The following NAV2 variants were observed in gnomAD, a reference collection of about 807,000 sequenced individuals.
NAV2 encodes the protein neuron navigator 2.
NAV2 carries 54 observed loss-of-function variants against 223.2 expected under a neutral mutation model. The observed-to-expected ratio is 0.24, with a 90% confidence interval of 0.19 to 0.30. The LOEUF (loss-of-function observed/expected upper bound fraction) is 0.30. Among genes scored for constraint, NAV2 ranks in the 10% least tolerant of loss-of-function variants. The pLI, the probability that NAV2 is intolerant of heterozygous loss-of-function variation, is 1.00. For missense variants in NAV2, 2,806 were observed against 3,147.5 expected, an observed-to-expected ratio of 0.89 and a Z score of 2.60; for synonymous variants, 1,279 against 1,239.3, an observed-to-expected ratio of 1.03 and a Z score of -0.67.
At chr11:19,945,053 TTTCTC>T (rs1326880521) in intron 8 of NAV2, among the ~76,000 whole-genome samples, 3 of 149,900 alleles carry the variant, frequency 2.0e-5, no homozygotes, top group East Asian at 2.0e-4. Context: ...TTCCTTTCCT[TTTCTC>T]TTTCCTTTCC....
At chr11:19,534,028 G>A (rs1226626754) in intron 1 of NAV2, among the ~76,000 whole-genome samples, 3 of 152,162 alleles carry the variant, frequency 2.0e-5, no homozygotes, top group African/African-American at 7.2e-5. Context: ...CTTATCCACA[G>A]ACACACTGAA....
intron 11 of NAV2, among the ~76,000 whole-genome samples, chr11:19,990,951 C>T (rs1016004417): frequency 1.3e-5 from 2 of 152,094 alleles, no homozygotes; most frequent in African/African-American, 4.8e-5. Flanking sequence ...TTGCTGTAAA[C>T]ATGCCCTAAT....
Position 20,054,227 on chromosome 11 carries a change from C to T in NAV2, c.4629C>T (p.Asn1543=). Residue 1543 remains asparagine, a synonymous_variant, in exon 18 of 38, where the codon AAC becomes AAT. Transcript: ENST00000349880. ...SVTSPSGTRF[N]FSQLASPTTV... is the part of the protein sequence containing the mutation. ...CTTCTCCCTCCGGAACAAGATTCAA[C>T]TTTTCCCAGCTTGGTGAGTAGCCAC... 1 of 1,610,042 alleles carries T rather than the reference C, an allele frequency of 6.2e-7. No individual in the cohort carries two copies. The highest frequency in any genetic ancestry group is 8.5e-7 in the Non-Finnish European group (1 of 1,179,042).
chr11:19,925,191 T>A (rs142536183), intron 6 of NAV2, among the ~76,000 whole-genome samples: 2,127 of 152,320 alleles, frequency 0.014, 15 homozygotes, highest in Non-Finnish European at 0.023. Flanking sequence ...TTATCAGATA[T>A]GCGATTTATA....
At chr11:19,553,456 A>G (rs11025182) in intron 1 of NAV2, among the ~76,000 whole-genome samples, 60,487 of 151,912 alleles carry the variant, frequency 0.4, 15,712 homozygotes, top group African/African-American at 0.74. Flanking sequence ...TCTTGGGGAT[A>G]CCCACCCAGG....
chr11:19,775,172 T>C (rs1315731403), intron 1 of NAV2, among the ~76,000 whole-genome samples: 2 of 152,238 alleles, frequency 1.3e-5, no homozygotes, highest in African/African-American at 2.4e-5. Context: ...TATTTTAGGA[T>C]TTGTTTTCCA....
intron 1 of NAV2, among the ~76,000 whole-genome samples, chr11:19,423,141 G>A (rs1331893583): frequency 1.3e-5 from 2 of 152,176 alleles, no homozygotes; most frequent in Admixed American, 6.5e-5. Context: ...TGGGATATAG[G>A]CAACTTCATA....
chr11:20,117,421 A>C (rs2063205501), intron 37 of NAV2, among the ~76,000 whole-genome samples: 1 of 152,132 alleles, frequency 6.6e-6, no homozygotes, highest in African/African-American at 2.4e-5. Flanking sequence ...CCCTATGAGA[A>C]GTGTTGCCAT....
At chr11:19,463,148 AC>A (rs1355262576) in intron 1 of NAV2, among the ~76,000 whole-genome samples, 2 of 152,220 alleles carry the variant, frequency 1.3e-5, no homozygotes, top group Non-Finnish European at 2.9e-5. Context: ...AATATCTATA[AC>A]TTCATAGAAA....
At chr11:19,714,793 A>G (rs976461105) in intron 1 of NAV2, among the ~76,000 whole-genome samples, 2 of 152,090 alleles carry the variant, frequency 1.3e-5, no homozygotes, top group Non-Finnish European at 2.9e-5. Flanking sequence ...TGGCCGTGCA[A>G]TCTCTTTTAC....
At chr11:19,585,848 A>G (rs2045879565) in intron 1 of NAV2, among the ~76,000 whole-genome samples, 1 of 152,100 alleles carries the variant, frequency 6.6e-6, no homozygotes, top group Admixed American at 6.5e-5. Flanking sequence ...GAACCTGACA[A>G]TTATGTGTCT....
intron 1 of NAV2, among the ~76,000 whole-genome samples, chr11:19,468,412 C>G (rs1852445785): frequency 6.6e-6 from 1 of 152,140 alleles, no homozygotes; most frequent in Non-Finnish European, 1.5e-5. Flanking sequence ...CTTTCCTTGC[C>G]TCTTCCAGTT....
chr11:19,357,640 T>G (rs576723093), intron 1 of NAV2, among the ~76,000 whole-genome samples: 1 of 152,302 alleles, frequency 6.6e-6, no homozygotes, highest in East Asian at 1.9e-4. Flanking sequence ...GCATTTGAGT[T>G]TCCTTTTGGT....
intron 1 of NAV2, among the ~76,000 whole-genome samples, chr11:19,669,492 A>G (rs2048517947): frequency 6.6e-6 from 1 of 152,236 alleles, no homozygotes; most frequent in African/African-American, 2.4e-5. Flanking sequence ...TCTGGGGATG[A>G]TTAAATGAGT....
At chr11:19,741,590 C>T (rs1254485602) in intron 1 of NAV2, among the ~76,000 whole-genome samples, 1 of 148,032 alleles carries the variant, frequency 6.8e-6, no homozygotes, top group Non-Finnish European at 1.5e-5. Context: ...GCCTAATGTC[C>T]TGCAGTTTCA....
chr11:19,635,408 G>A (rs938109758), intron 1 of NAV2, among the ~76,000 whole-genome samples: 2 of 152,166 alleles, frequency 1.3e-5, no homozygotes, highest in Non-Finnish European at 2.9e-5. Flanking sequence ...ATGGTATTAT[G>A]GTAATGTAGG....
intron 6 of NAV2, among the ~76,000 whole-genome samples, chr11:19,907,534 G>GGGGA (rs1565536145): frequency 1.1e-4 from 16 of 152,222 alleles, no homozygotes; most frequent in South Asian, 2.1e-4. Context: ...TAGGGGGAGG[G>GGGGA]GGAATTTGAG....
In NAV2 at chr11:19,647,233, T is replaced by C. The variant is rs141560468; in HGVS notation, c.76-185251T>C. Among the ~76,000 whole-genome samples the C allele has an allele frequency of 4.3e-3, 655 of 152,286 alleles. 3 individuals carry two copies. Among genetic ancestry groups the C allele is most frequent in the Non-Finnish European group, 7.2e-3 (489 of 68,024 alleles). ...CATACTTTGTCCACTGTTGCAGATC[T>C]CCCAGGCTGATGGGTTTCCAGAAGT... is the stretch of plus-strand genomic sequence containing the variant. On this transcript the variant is annotated intron_variant, in intron 1 of 37. Coordinates refer to the NAV2 transcript ENST00000360655.
chr11:19,659,689 C>G (rs188167695), intron 1 of NAV2, among the ~76,000 whole-genome samples: 1 of 152,164 alleles, frequency 6.6e-6, no homozygotes, highest in Admixed American at 6.5e-5. Context: ...CAAGATGATT[C>G]ATTAGTCTAG....
Sources: allele counts gnomAD v4.1 joint callset (sites outside exome capture counted in the v4.1 genomes callset), GRCh38; gene constraint gnomAD v4.1.1; transcripts MANE v1.5; gene names NCBI Gene and HGNC (gene_info 2026-07-23, HGNC 2026-07-21).